The following ATP8A2 variants were observed in gnomAD, a reference collection of about 807,000 sequenced individuals.
ATP8A2 encodes phospholipid-transporting ATPase IB.
ATP8A2 carries 100 observed loss-of-function variants against 165.6 expected under a neutral mutation model. That is an observed-to-expected ratio of 0.60 (90% CI 0.51 to 0.71). ATP8A2 has a LOEUF of 0.71. Ranked by LOEUF, ATP8A2 falls within the 30% of genes least tolerant of loss-of-function variation. The pLI, the probability that ATP8A2 is intolerant of heterozygous loss-of-function variation, is 0.00. For missense variants in ATP8A2, 1,227 were observed against 1,479.5 expected, an observed-to-expected ratio of 0.83 and a Z score of 2.80; for synonymous variants, 543 against 548.8, an observed-to-expected ratio of 0.99 and a Z score of 0.15.
intron 27 of ATP8A2, among the ~76,000 whole-genome samples, chr13:25,821,337 T>G (rs1951174885): frequency 6.6e-6 from 1 of 152,184 alleles, no homozygotes; most frequent in South Asian, 2.1e-4. Context: ...TTCTTAAGAT[T>G]TTTACCCCCT....
intron 1 of ATP8A2, among the ~76,000 whole-genome samples, chr13:25,390,212 T>C (rs1278887990): frequency 6.6e-6 from 1 of 152,190 alleles, no homozygotes; most frequent in African/African-American, 2.4e-5. Flanking sequence ...CAGGCTGGTC[T>C]TGAACTCCTG....
intron 27 of ATP8A2, among the ~76,000 whole-genome samples, chr13:25,801,655 A>C (rs1049257800): frequency 3.3e-5 from 5 of 152,280 alleles, no homozygotes; most frequent in Non-Finnish European, 7.4e-5. Flanking sequence ...AAGATAATGA[A>C]GTTGTTGGGT....
At chr13:25,648,930 A>G (rs972174924) in intron 24 of ATP8A2, 37 of 440,570 alleles carry the variant, frequency 8.4e-5, no homozygotes, top group South Asian at 5.9e-4. Context: ...GACTATTATG[A>G]CTGTATTCTT....
At chr13:26,012,215 C>T (rs529646095) in intron 35 of ATP8A2, among the ~76,000 whole-genome samples, 1 of 152,172 alleles carries the variant, frequency 6.6e-6, no homozygotes, top group African/African-American at 2.4e-5. Context: ...GATGTTTACC[C>T]GGAAACAGGC....
intron 25 of ATP8A2, among the ~76,000 whole-genome samples, chr13:25,746,673 T>C (rs963764935): frequency 6.6e-6 from 1 of 152,196 alleles, no homozygotes; most frequent in Non-Finnish European, 1.5e-5. Flanking sequence ...TTCTCTTCCC[T>C]GGACGGACGT....
At chr13:25,485,986 C>T (rs2036340503) in intron 2 of ATP8A2, among the ~76,000 whole-genome samples, 1 of 152,074 alleles carries the variant, frequency 6.6e-6, no homozygotes, top group Non-Finnish European at 1.5e-5. Context: ...ATTTTTTGCC[C>T]CTAAAATTGT....
intron 24 of ATP8A2, among the ~76,000 whole-genome samples, chr13:25,609,382 T>C (rs1241763017): frequency 6.6e-6 from 1 of 151,588 alleles, no homozygotes; most frequent in Non-Finnish European, 1.5e-5. Context: ...CTTGAATAAA[T>C]AGAAAATGTG....
chr13:25,829,443 G>C (rs569971913), intron 28 of ATP8A2, among the ~76,000 whole-genome samples: 5 of 151,968 alleles, frequency 3.3e-5, no homozygotes, highest in Admixed American at 2.6e-4. Flanking sequence ...ACTAAGGGGA[G>C]ATCACAGATT....
In ATP8A2 at chr13:25,803,760, G is replaced by A. The variant is rs561011176; in HGVS notation, c.2680-24358G>A. On this transcript the variant is annotated intron_variant, in intron 27 of 36. Transcript: ENST00000381655. The stretch of plus-strand genomic sequence containing the variant: ...GTTCACTTAGCCAAACCTGTTTGTT[G>A]TTAATACGTTGGAATATTACCTGCT... 7.2e-5 allele frequency among the ~76,000 whole-genome samples: 11 copies of A among 152,298 alleles called. No homozygotes were observed. The East Asian group carries it at 1.9e-3, about 27-fold the overall frequency.
intron 33 of ATP8A2, among the ~76,000 whole-genome samples, chr13:25,892,338 T>C (rs897131812): frequency 2.6e-5 from 4 of 152,164 alleles, no homozygotes; most frequent in Non-Finnish European, 4.4e-5. Context: ...ACAGCCTATC[T>C]TGGCACAGGG....
At chr13:25,790,205 A>G (rs528613766) in intron 27 of ATP8A2, among the ~76,000 whole-genome samples, 1 of 152,356 alleles carries the variant, frequency 6.6e-6, no homozygotes, top group Non-Finnish European at 1.5e-5. Context: ...CAATTGCAAC[A>G]AAAGCAAAAA....
chr13:25,435,894 G>A (rs147158189), intron 1 of ATP8A2, among the ~76,000 whole-genome samples: 56 of 149,236 alleles, frequency 3.8e-4, no homozygotes, highest in Admixed American at 1.0e-3. Context: ...AAAATGTCAC[G>A]CAGTTAAGAA....
rs1245040337 is a variant in ATP8A2 at position 25,961,642 on chromosome 13, T to C, written c.3251T>C (p.Ile1084Thr). 1 of 1,613,826 alleles carries C rather than the reference T, an allele frequency of 6.2e-7. No individual in the cohort carries two copies. Among genetic ancestry groups the C allele is most frequent in the South Asian group, 1.1e-5 (1 of 91,074 alleles). ...GLFLVPTACL[I>T]EDVAWRAAKH... ...TTTCTGGTTCCTACTGCCTGTTTGA[T>C]TGAAGATGTGGCATGGAGAGCGTAA... is the stretch of plus-strand genomic sequence containing the variant. Residue 1084 changes from isoleucine (I) to threonine (T), a missense_variant, in exon 34 of 37, where the codon ATT (isoleucine) becomes ACT (threonine). Coordinates refer to ENST00000381655, the MANE Select transcript of ATP8A2 (RefSeq NM_016529.6).
intron 2 of ATP8A2, among the ~76,000 whole-genome samples, chr13:25,496,052 C>G (rs930783703): frequency 6.6e-6 from 1 of 152,076 alleles, no homozygotes; most frequent in Non-Finnish European, 1.5e-5. Flanking sequence ...GTGAAACACC[C>G]GAGGGTAACC....
intron 35 of ATP8A2, among the ~76,000 whole-genome samples, chr13:25,974,655 G>T (rs923049880): frequency 6.6e-6 from 1 of 152,070 alleles, no homozygotes; most frequent in Admixed American, 6.6e-5. Context: ...TGTCTGTAAC[G>T]TCTATGCCGG....
intron 24 of ATP8A2, among the ~76,000 whole-genome samples, chr13:25,624,780 A>G (rs887904968): frequency 6.6e-6 from 1 of 152,178 alleles, no homozygotes; most frequent in Non-Finnish European, 1.5e-5. Context: ...AACCAAGTAA[A>G]TTGATTAGTA....
rs545554764 is a variant in ATP8A2 at position 25,751,947 on chromosome 13, G to A, written c.2385-17099G>A. 1.2e-4 allele frequency among the ~76,000 whole-genome samples: 18 copies of A among 150,258 alleles called. 1 individual carries two copies. The East Asian group carries it at 2.7e-3, about 23-fold the overall frequency. On this transcript the variant is annotated intron_variant, in intron 25 of 36. Transcript: ENST00000381655. Reference sequence around the variant, plus strand: ...GTCTAAAATTGGATGCTACTGTTACGTGTACTGTTGTAATTTGCTTTCTTC... The same window carrying A: ...GTCTAAAATTGGATGCTACTGTTACATGTACTGTTGTAATTTGCTTTCTTC...
At chr13:25,942,564 A>G (rs1955100003) in intron 33 of ATP8A2, among the ~76,000 whole-genome samples, 1 of 152,142 alleles carries the variant, frequency 6.6e-6, no homozygotes, top group Non-Finnish European at 1.5e-5. Flanking sequence ...CTGGGATTAC[A>G]GGTGCGTACC....
intron 24 of ATP8A2, among the ~76,000 whole-genome samples, chr13:25,684,792 A>T (rs1442395709): frequency 6.6e-6 from 1 of 152,040 alleles, no homozygotes; most frequent in Non-Finnish European, 1.5e-5. Context: ...AGCACTGGGG[A>T]CACTCTGGTC....
Sources: gnomAD v4.1 joint callset for allele counts (sites outside exome capture counted in the v4.1 genomes callset) on GRCh38, gnomAD v4.1.1 for gene constraint, MANE v1.5 for transcripts, NCBI Gene and HGNC (gene_info 2026-07-23, HGNC 2026-07-21) for gene names.